The following KCNB2 variants were observed in gnomAD, a reference collection of about 807,000 sequenced individuals.
KCNB2 encodes delayed rectifier potassium channel protein.
Under a neutral mutation model 61.5 loss-of-function variants are expected in KCNB2, and 15 were observed. The observed-to-expected ratio is 0.24, with a 90% CI of 0.16 to 0.38. The LOEUF (loss-of-function observed/expected upper bound fraction) is 0.38, where lower values mean the gene tolerates loss of function less well. Ranked by LOEUF, KCNB2 falls within the 10% of genes least tolerant of loss-of-function variation. The pLI, the probability that KCNB2 is intolerant of heterozygous loss-of-function variation, is 1.00. For synonymous variants in KCNB2, 457 were observed against 446.0 expected (o/e 1.02, Z -0.31); for missense variants, 828 against 1,125.2 (o/e 0.74, Z 3.78).
rs186741554 is a variant in KCNB2 at position 72,565,561 on chromosome 8, G to A, written c.-93-2081G>A. On this transcript the variant is annotated intron_variant, in intron 1 of 2. Coordinates refer to ENST00000523207, the MANE Select transcript of KCNB2 (RefSeq NM_004770.3). ...AGAAGATGCTTGCTGCTGCAGATCAGAATAACAGATCAATAAGAGGGACTA... is the reference window on the plus strand; with the variant it reads ...AGAAGATGCTTGCTGCTGCAGATCAAAATAACAGATCAATAAGAGGGACTA... Among the ~76,000 whole-genome samples, 25 of 152,054 alleles carry A rather than the reference G, an allele frequency of 1.6e-4. No individual in the cohort carries two copies. The East Asian group carries it at 4.6e-3, about 28-fold the overall frequency.
intron 2 of KCNB2, among the ~76,000 whole-genome samples, chr8:72,670,569 T>G (rs1251132512): frequency 6.6e-6 from 1 of 152,186 alleles, no homozygotes; most frequent in African/African-American, 2.4e-5. Context: ...CTTGACAGTT[T>G]CAATGCCTAT....
At chr8:72,840,193 G>A (rs544670956) in intron 2 of KCNB2, among the ~76,000 whole-genome samples, 1 of 152,240 alleles carries the variant, frequency 6.6e-6, no homozygotes, top group Non-Finnish European at 1.5e-5. Context: ...ACTTTGCTGA[G>A]AACGATGGTT....
At chr8:72,668,204 C>T (rs1226488749) in intron 2 of KCNB2, among the ~76,000 whole-genome samples, 4 of 152,294 alleles carry the variant, frequency 2.6e-5, no homozygotes, top group Middle Eastern at 3.4e-3. Context: ...TACTGACAAC[C>T]AGGGAAGCTG....
chr8:72,554,126 T>C (rs1806385614), intron 1 of KCNB2, among the ~76,000 whole-genome samples: 2 of 152,114 alleles, frequency 1.3e-5, no homozygotes. Context: ...TTCAAGTCCA[T>C]AATGTTATCT....
chr8:72,631,563 T>C (rs550675125), intron 2 of KCNB2, among the ~76,000 whole-genome samples: 1 of 152,208 alleles, frequency 6.6e-6, no homozygotes. Flanking sequence ...CTTGATTACA[T>C]TGGTAAAGAC....
chr8:72,636,930 T>C (rs1327941625), intron 2 of KCNB2, among the ~76,000 whole-genome samples: 3 of 152,182 alleles, frequency 2.0e-5, no homozygotes, highest in Non-Finnish European at 4.4e-5. Flanking sequence ...TTGAAATATC[T>C]TCTCCCCAAA....
chr8:72,602,167 T>A (rs1255921106), intron 2 of KCNB2, among the ~76,000 whole-genome samples: 1 of 152,182 alleles, frequency 6.6e-6, no homozygotes, highest in East Asian at 1.9e-4. Flanking sequence ...ATAACTGATA[T>A]TAGGCAGCTC....
chr8:72,553,353 C>A (rs746892526), intron 1 of KCNB2, among the ~76,000 whole-genome samples: 6 of 152,000 alleles, frequency 3.9e-5, no homozygotes, highest in Non-Finnish European at 8.8e-5. Context: ...AAAAACTTTC[C>A]AATGAGGAAA....
intron 2 of KCNB2, among the ~76,000 whole-genome samples, chr8:72,608,789 A>G (rs1394814784): frequency 1.3e-5 from 2 of 152,194 alleles, no homozygotes; most frequent in African/African-American, 2.4e-5. Flanking sequence ...CACTGGGCAC[A>G]TGAATTAACT....
intron 2 of KCNB2, among the ~76,000 whole-genome samples, chr8:72,821,640 AC>A (rs375262011): frequency 0.027 from 2,761 of 103,348 alleles, 160 homozygotes; most frequent in Admixed American, 0.035. Context: ...ACAAAAAAAA[AC>A]AAAAAAAAAA....
intron 2 of KCNB2, among the ~76,000 whole-genome samples, chr8:72,591,272 C>G (rs1807094682): frequency 6.6e-6 from 1 of 152,088 alleles, no homozygotes; most frequent in Non-Finnish European, 1.5e-5. Context: ...TCCGATGACT[C>G]AAATAAGCAC....
chr8:72,643,898 G>T (rs551629231), intron 2 of KCNB2, among the ~76,000 whole-genome samples: 3 of 152,064 alleles, frequency 2.0e-5, no homozygotes, highest in Non-Finnish European at 4.4e-5. Flanking sequence ...TGTACAGAAA[G>T]GGAGTTTAAA....
intron 2 of KCNB2, among the ~76,000 whole-genome samples, chr8:72,886,893 C>T (rs941779580): frequency 6.6e-6 from 1 of 152,210 alleles, no homozygotes; most frequent in African/African-American, 2.4e-5. Flanking sequence ...ACCAAGGTCA[C>T]ATTAAACAAT....
intron 2 of KCNB2, among the ~76,000 whole-genome samples, chr8:72,847,375 C>T (rs1040716218): frequency 6.6e-6 from 1 of 152,212 alleles, no homozygotes; most frequent in South Asian, 2.1e-4. Flanking sequence ...CAACATGGGA[C>T]CTCCCAGAAG....
Position 72,801,024 on chromosome 8 carries a change from C to T in KCNB2, c.580-134911C>T, listed in dbSNP as rs138978919. 2.3e-3 allele frequency among the ~76,000 whole-genome samples: 352 copies of T among 152,246 alleles called. 5 individuals carry two copies. The highest frequency in any genetic ancestry group is 0.01 in the Middle Eastern group (3 of 294). On this transcript the variant is annotated intron_variant, in intron 2 of 2. Transcript: ENST00000523207. ...TTTCCTGTATGAGATGGTTCACTAGCGGCTCAAAATGTGAGCAAGAAAAAT... is the reference window on the plus strand; with the variant it reads ...TTTCCTGTATGAGATGGTTCACTAGTGGCTCAAAATGTGAGCAAGAAAAAT...
chr8:72,932,471 C>G (rs898527373), intron 2 of KCNB2, among the ~76,000 whole-genome samples: 1 of 152,076 alleles, frequency 6.6e-6, no homozygotes, highest in African/African-American at 2.4e-5. Context: ...CCTTCAGACC[C>G]CCAGAAAACT....
At chr8:72,607,741 A>C (rs898889861) in intron 2 of KCNB2, among the ~76,000 whole-genome samples, 3 of 152,174 alleles carry the variant, frequency 2.0e-5, no homozygotes, top group African/African-American at 7.2e-5. Flanking sequence ...TTTAGAAAAA[A>C]TTTTATTTGT....
At chr8:72,916,276 C>T (rs1414747444) in intron 2 of KCNB2, among the ~76,000 whole-genome samples, 1 of 152,116 alleles carries the variant, frequency 6.6e-6, no homozygotes, top group African/African-American at 2.4e-5. Context: ...ATTTTTGAGG[C>T]AGGATATTTC....
At position 72,567,943 on chromosome 8, in the gene KCNB2, A is replaced by G. The variant is rs1806652237; in HGVS notation, c.209A>G (p.His70Arg). The G allele has an allele frequency of 3.7e-6, 6 of 1,613,918 alleles. No homozygotes were observed. The highest frequency in any genetic ancestry group is 4.2e-6 in the Non-Finnish European group (5 of 1,179,908). Reference sequence around the variant, plus strand: ...GGGAAGCTTCGAGACTGCAACACACACGAGAGCCTCCTGGAAGTGTGCGAC... The same window carrying G: ...GGGAAGCTTCGAGACTGCAACACACGCGAGAGCCTCCTGGAAGTGTGCGAC... ...RLGKLRDCNT[H>R]ESLLEVCDDY... Residue 70 changes from histidine (H) to arginine (R), a missense_variant, in exon 2 of 3, where the codon CAC becomes CGC. By Grantham distance (29) the His-to-Arg change is conservative (BLOSUM62 0). Coordinates refer to ENST00000523207, the MANE Select transcript of KCNB2 (RefSeq NM_004770.3).
Sources: allele counts gnomAD v4.1 joint callset (sites outside exome capture counted in the v4.1 genomes callset), GRCh38; gene constraint gnomAD v4.1.1; transcripts MANE v1.5; gene names NCBI Gene and HGNC (gene_info 2026-07-23, HGNC 2026-07-21).